ATRNL1: variants seen among roughly 807,000 people sequenced by gnomAD.
The protein encoded by ATRNL1 is attractin-like protein 1.
In ATRNL1, 95 loss-of-function variants were observed where a neutral mutation model predicts 182.7. The ratio of observed to expected loss-of-function variants is 0.52; its 90% confidence interval spans 0.44 to 0.62. The LOEUF is 0.62. Ranked by LOEUF, ATRNL1 falls within the 20% of genes least tolerant of loss-of-function variation. The pLI is 0.00. For synonymous variants in ATRNL1, 576 were observed against 568.3 expected, an observed-to-expected ratio of 1.01 and a Z score of -0.19; for missense variants, 1,471 against 1,679.5, an observed-to-expected ratio of 0.88 and a Z score of 2.17.
intron 27 of ATRNL1, among the ~76,000 whole-genome samples, chr10:115,810,292 G>T (rs1270747617): frequency 6.6e-6 from 1 of 151,846 alleles, no homozygotes; most frequent in African/African-American, 2.4e-5. Context: ...AATAATGCTG[G>T]TTTCATGAAA....
At chr10:115,403,732 A>G (rs1844692722) in intron 20 of ATRNL1, among the ~76,000 whole-genome samples, 1 of 152,206 alleles carries the variant, frequency 6.6e-6, no homozygotes, top group African/African-American at 2.4e-5. Flanking sequence ...GATTACAGGC[A>G]TGAGCCAGTG....
At chr10:115,271,131 TGAG>T (rs1443877122) in intron 13 of ATRNL1, among the ~76,000 whole-genome samples, 3 of 149,062 alleles carry the variant, frequency 2.0e-5, no homozygotes, top group Non-Finnish European at 4.4e-5. Context: ...TGTTACATGA[TGAG>T]GGAATAAGAG....
At chr10:115,808,171 GT>G (rs1436341862) in intron 27 of ATRNL1, among the ~76,000 whole-genome samples, 1 of 152,176 alleles carries the variant, frequency 6.6e-6, no homozygotes, top group Non-Finnish European at 1.5e-5. Flanking sequence ...AAATTTATCT[GT>G]TTTTCCCCCT....
intron 1 of ATRNL1, among the ~76,000 whole-genome samples, chr10:115,119,502 AAAC>A (rs1384256507): frequency 6.6e-6 from 1 of 152,066 alleles, no homozygotes; most frequent in Non-Finnish European, 1.5e-5. Flanking sequence ...GAAGTAAAAA[AAAC>A]AAAATGAAGC....
At chr10:115,181,498 C>T (rs1847744776) in intron 8 of ATRNL1, among the ~76,000 whole-genome samples, 1 of 151,630 alleles carries the variant, frequency 6.6e-6, no homozygotes, top group South Asian at 2.1e-4. Context: ...TAAAAAAAAT[C>T]AGAATAAAAT....
intron 20 of ATRNL1, among the ~76,000 whole-genome samples, chr10:115,402,810 C>T (rs1043300351): frequency 6.6e-6 from 1 of 152,150 alleles, no homozygotes; most frequent in Non-Finnish European, 1.5e-5. Flanking sequence ...CTTACAACTT[C>T]TTCATAGCTA....
At chr10:115,509,013 A>G (rs1023049646) in intron 24 of ATRNL1, among the ~76,000 whole-genome samples, 39 of 152,036 alleles carry the variant, frequency 2.6e-4, no homozygotes, top group African/African-American at 8.9e-4. Context: ...GCATCTGGTG[A>G]TTATGAGCCT....
chr10:115,916,366 T>A (rs1231613117), intron 28 of ATRNL1, among the ~76,000 whole-genome samples: 1 of 152,232 alleles, frequency 6.6e-6, no homozygotes, highest in Non-Finnish European at 1.5e-5. Flanking sequence ...GTTCCACACA[T>A]CAAGTCAAGT....
chr10:115,927,014 T>A (rs1953256814), intron 28 of ATRNL1, among the ~76,000 whole-genome samples: 1 of 152,268 alleles, frequency 6.6e-6, no homozygotes, highest in South Asian at 2.1e-4. Context: ...GCAAAAATCC[T>A]TAATAAAATA....
At chr10:115,454,328 G>T (rs1410165112) in intron 21 of ATRNL1, among the ~76,000 whole-genome samples, 3 of 151,850 alleles carry the variant, frequency 2.0e-5, no homozygotes, top group Non-Finnish European at 4.4e-5. Context: ...TGAAATCAGG[G>T]GTATGATACC....
chr10:115,248,975 T>A (rs1268065907), intron 10 of ATRNL1, among the ~76,000 whole-genome samples: 1 of 152,172 alleles, frequency 6.6e-6, no homozygotes, highest in Non-Finnish European at 1.5e-5. Flanking sequence ...TAAGACTAAC[T>A]TATGAATTGG....
intron 24 of ATRNL1, among the ~76,000 whole-genome samples, chr10:115,499,987 C>A (rs1389254028): frequency 6.6e-6 from 1 of 152,056 alleles, no homozygotes; most frequent in Non-Finnish European, 1.5e-5. Flanking sequence ...TGCTTTATTC[C>A]TAGACAGGTA....
chr10:115,669,437 A>G (rs1945625492), intron 26 of ATRNL1, among the ~76,000 whole-genome samples: 1 of 152,172 alleles, frequency 6.6e-6, no homozygotes, highest in Non-Finnish European at 1.5e-5. Flanking sequence ...ATAAATTTTT[A>G]TGACTTATCA....
intron 8 of ATRNL1, among the ~76,000 whole-genome samples, chr10:115,203,577 CTTTTTTTTT>C (rs34988501): frequency 1.6e-5 from 2 of 122,398 alleles, no homozygotes; most frequent in African/African-American, 2.9e-5. Flanking sequence ...ATTGGGCCAC[CTTTTTTTTT>C]TTTTTTTTTT....
intron 28 of ATRNL1, among the ~76,000 whole-genome samples, chr10:115,928,110 T>C (rs1953288567): frequency 6.6e-6 from 1 of 152,034 alleles, no homozygotes. Flanking sequence ...GCTATGAATA[T>C]CCTCATTATT....
At chr10:115,433,254 T>G (rs1230818102) in intron 21 of ATRNL1, among the ~76,000 whole-genome samples, 2 of 152,122 alleles carry the variant, frequency 1.3e-5, no homozygotes, top group Admixed American at 1.3e-4. Flanking sequence ...TTACTTAAAA[T>G]AGTATGTCAT....
intron 17 of ATRNL1, among the ~76,000 whole-genome samples, chr10:115,303,944 T>C (rs1216641013): frequency 3.3e-5 from 5 of 152,188 alleles, no homozygotes; most frequent in Non-Finnish European, 7.4e-5. Context: ...ACAGGAATTC[T>C]CTCCAGGGGA....
intron 9 of ATRNL1, among the ~76,000 whole-genome samples, chr10:115,219,939 C>T (rs1252872208): frequency 4.6e-5 from 7 of 152,090 alleles, no homozygotes; most frequent in Non-Finnish European, 1.0e-4. Context: ...GAAATGTGCA[C>T]ATAACATATC....
At chr10:115,303,545 G>A (rs1184942633) in intron 17 of ATRNL1, among the ~76,000 whole-genome samples, 1 of 152,060 alleles carries the variant, frequency 6.6e-6, no homozygotes, top group African/African-American at 2.4e-5. Context: ...TGTCCGTTGA[G>A]GATGCTTTGA....
Sources: allele counts gnomAD v4.1 joint callset (sites outside exome capture counted in the v4.1 genomes callset), GRCh38; gene constraint gnomAD v4.1.1; transcripts MANE v1.5; gene names NCBI Gene and HGNC (gene_info 2026-07-23, HGNC 2026-07-21).